Variants in CTBP2 observed in about 807,000 individuals in gnomAD.
The protein encoded by CTBP2 is C-terminal binding protein 2.
A neutral mutation model predicts 80.3 loss-of-function variants in CTBP2; 30 were observed. The ratio of observed to expected loss-of-function variants is 0.37; its 90% confidence interval spans 0.28 to 0.51. The LOEUF is 0.51. CTBP2 is among the 20% of genes least tolerant of loss of function. The pLI is 0.93. For synonymous variants in CTBP2, 594 were observed against 587.4 expected (o/e 1.01, Z -0.16); for missense variants, 1,212 against 1,375.3 (o/e 0.88, Z 1.88).
chr10:125,091,766 C>A (rs1438840145), intron 2 of CTBP2, among the ~76,000 whole-genome samples: 2 of 151,982 alleles, frequency 1.3e-5, no homozygotes, highest in Non-Finnish European at 1.5e-5. Context: ...GAGACCCTGT[C>A]TTGGAAAAAA....
chr10:125,040,730 T>C (rs573076324), intron 2 of CTBP2, among the ~76,000 whole-genome samples: 1 of 152,252 alleles, frequency 6.6e-6, no homozygotes, highest in East Asian at 1.9e-4. Flanking sequence ...GGTCATCAGT[T>C]ATGCAAAACA....
intron 2 of CTBP2, among the ~76,000 whole-genome samples, chr10:125,075,607 G>T (rs1427347369): frequency 2.6e-5 from 4 of 151,984 alleles, no homozygotes; most frequent in African/African-American, 9.7e-5. Flanking sequence ...CTAAGACACG[G>T]TAAGAAAAAA....
At position 124,993,315 on chromosome 10, in the gene CTBP2, G is replaced by C. The variant is rs200832115; in HGVS notation, c.2546C>G (p.Pro849Arg). The C allele has an allele frequency of 1.2e-6, 2 of 1,608,954 alleles. No homozygotes were observed. Among genetic ancestry groups the C allele is most frequent in the Non-Finnish European group, 1.7e-6 (2 of 1,175,816 alleles). Reference sequence around the variant, plus strand: ...GATGAGATTCGGGGCATCTTTCAACGGACCCTGAGCAAAGCTAGAAAAATG... The same window carrying C: ...GATGAGATTCGGGGCATCTTTCAACCGACCCTGAGCAAAGCTAGAAAAATG... Residue 849 changes from proline (P) to arginine (R), a missense_variant, in exon 7 of 9, where the codon CCG becomes CGG. Physicochemically the swap from Pro to Arg is moderately radical, Grantham distance 103 (BLOSUM62 -2). Coordinates refer to ENST00000309035, the MANE Select transcript of CTBP2 (RefSeq NM_022802.3).
intron 1 of CTBP2, among the ~76,000 whole-genome samples, chr10:125,007,930 G>T (rs1007391752): frequency 6.6e-6 from 1 of 151,846 alleles, no homozygotes. Flanking sequence ...TCTGACATAG[G>T]AGGCAAAGGC....
chr10:125,119,606 CAT>C (rs1445656809), intron 1 of CTBP2, among the ~76,000 whole-genome samples: 6 of 152,180 alleles, frequency 3.9e-5, no homozygotes, highest in Admixed American at 6.5e-5. Flanking sequence ...TCAAATCTCA[CAT>C]ATTTTAAAAC....
Position 124,997,972 on chromosome 10 carries a change from A to G in CTBP2, c.2177T>C (p.Ile726Thr), listed in dbSNP as rs1004187393. 1.2e-6 allele frequency: 2 copies of G among 1,612,090 alleles called. No individual in the cohort carries two copies. The highest frequency in any genetic ancestry group is 8.5e-7 in the Non-Finnish European group (1 of 1,179,708). Residue 726 changes from isoleucine to threonine, a missense_variant, in exon 4 of 9, where the codon ATT becomes ACT. Physicochemically the swap from Ile to Thr is moderately conservative, Grantham distance 89. Around this residue, in one of 3 missense-constraint regions of CTBP2, gnomAD observed 335 missense variants for 504.7 expected, o/e 0.66. Coordinates refer to ENST00000309035, the MANE Select transcript of CTBP2 (RefSeq NM_022802.3). ...CAGAGGGTGGCACGTACCAAAGCCA[A>G]TGAGGCCCAGCGTCTCCCCACGGAT...
In CTBP2 at chr10:124,991,546, T is replaced by C. The variant is rs1952617349; in HGVS notation, c.2777+1149A>G. Among the ~76,000 whole-genome samples, 4 of 152,138 alleles carry C rather than the reference T, an allele frequency of 2.6e-5. No homozygotes were observed. The South Asian group carries it at 8.3e-4, about 32-fold the overall frequency. ...AGCACCGGCATAGCTTCTTCAAGAG[T>C]GTCAGAGCCTTCATTACACAAACTG... On this transcript the variant is annotated intron_variant, in intron 8 of 8. Transcript: ENST00000309035.
chr10:125,093,302 G>A (rs1337745261), intron 2 of CTBP2, among the ~76,000 whole-genome samples: 1 of 152,226 alleles, frequency 6.6e-6, no homozygotes, highest in East Asian at 1.9e-4. Context: ...ACAGAAGGCA[G>A]GCTTAATCAC....
chr10:125,108,764 G>A (rs528250631), intron 2 of CTBP2, among the ~76,000 whole-genome samples: 12 of 152,368 alleles, frequency 7.9e-5, no homozygotes, highest in South Asian at 4.1e-4. Flanking sequence ...CAGTGTGTGC[G>A]TGGGCCGTGG....
chr10:125,127,648 A>C (rs1855495239), intron 1 of CTBP2, among the ~76,000 whole-genome samples: 1 of 152,120 alleles, frequency 6.6e-6, no homozygotes, highest in South Asian at 2.1e-4. Flanking sequence ...CTCAAGCACA[A>C]GAAGCAGTTG....
At chr10:125,136,202 C>T (rs553336993) in intron 1 of CTBP2, among the ~76,000 whole-genome samples, 86 of 152,292 alleles carry the variant, frequency 5.6e-4, no homozygotes, top group Admixed American at 1.6e-3. Context: ...AGGCAGGGGG[C>T]GGCCTCCTAG....
intron 1 of CTBP2, among the ~76,000 whole-genome samples, chr10:125,139,962 T>G (rs936613576): frequency 2.6e-5 from 4 of 151,988 alleles, no homozygotes; most frequent in African/African-American, 9.7e-5. Flanking sequence ...CATTCGCAAC[T>G]TCCACTCAGC....
intron 1 of CTBP2, among the ~76,000 whole-genome samples, chr10:125,148,460 G>C (rs773192805): frequency 1.3e-5 from 2 of 152,330 alleles, no homozygotes; most frequent in African/African-American, 2.4e-5. Flanking sequence ...GAAAACAAAA[G>C]AGAATTAGGA....
intron 2 of CTBP2, among the ~76,000 whole-genome samples, chr10:125,084,914 C>T (rs932911008): frequency 7.9e-5 from 12 of 152,218 alleles, no homozygotes; most frequent in Admixed American, 1.3e-4. Flanking sequence ...TGAGTTCCGC[C>T]GTCGCCACGT....
At chr10:125,124,951 C>T (rs542685936) in intron 1 of CTBP2, among the ~76,000 whole-genome samples, 2 of 152,274 alleles carry the variant, frequency 1.3e-5, no homozygotes, top group East Asian at 1.9e-4. Flanking sequence ...GATGAAGTAT[C>T]GCCCTCTGCC....
At chr10:125,093,762 A>C (rs1152677) in intron 2 of CTBP2, among the ~76,000 whole-genome samples, 2 of 152,078 alleles carry the variant, frequency 1.3e-5, no homozygotes. Flanking sequence ...CAGGACGCTC[A>C]GGGGGCAGCA....
chr10:125,158,547 A>T (rs182559885), intron 1 of CTBP2: 1 of 152,332 alleles, frequency 6.6e-6, no homozygotes, highest in East Asian at 1.9e-4. Context: ...CTATCCTTCC[A>T]GCCACTCGCA....
chr10:125,153,321 G>A (rs1020080833), intron 1 of CTBP2, among the ~76,000 whole-genome samples: 14 of 152,236 alleles, frequency 9.2e-5, no homozygotes, highest in African/African-American at 2.4e-4. Context: ...GCAACACCAA[G>A]TGGGGTGTCC....
At chr10:125,038,894 A>T (rs1164845943) in intron 3 of CTBP2, 103 bp downstream of exon 3, 1 of 1,131,722 alleles carries the variant, frequency 8.8e-7, no homozygotes, top group Non-Finnish European at 1.3e-6. Flanking sequence ...CGGAGGAGGG[A>T]CTCTGGCTTG....
Sources: gnomAD v4.1 joint callset for allele counts (sites outside exome capture counted in the v4.1 genomes callset) on GRCh38, gnomAD v4.1.1 for gene constraint, gnomAD v4.1.1 regional missense constraint, MANE v1.5 for transcripts, NCBI Gene and HGNC (gene_info 2026-07-23, HGNC 2026-07-21) for gene names.